CYTH1: variants seen among roughly 807,000 people sequenced by gnomAD.
CYTH1 encodes the protein cytohesin-1.
CYTH1 carries 18 observed loss-of-function variants against 61.8 expected under a neutral mutation model. That is an observed-to-expected ratio of 0.29 (90% CI 0.20 to 0.43). CYTH1 has a LOEUF of 0.43. CYTH1 is among the 20% of genes least tolerant of loss of function. The probability of loss-of-function intolerance (pLI) is 1.00; values close to 1 mark genes in which losing one functional copy is unlikely to be tolerated. For synonymous variants in CYTH1, 174 were observed against 184.3 expected, an observed-to-expected ratio of 0.94 and a Z score of 0.45; for missense variants, 336 against 510.5, an observed-to-expected ratio of 0.66 and a Z score of 3.29.
chr17:78,685,546 G>C (rs2092808142), intron 11 of CYTH1, among the ~76,000 whole-genome samples: 3 of 152,060 alleles, frequency 2.0e-5, no homozygotes, highest in Admixed American at 2.0e-4. Context: ...TTTGGTATTA[G>C]TTCCATACTT....
chr17:78,698,986 G>A lies in CYTH1; in HGVS notation c.551-18C>T. 1.2e-6 allele frequency: 2 copies of A among 1,607,340 alleles called. No homozygotes were observed. The highest frequency in any genetic ancestry group is 2.2e-5 in the East Asian group (1 of 44,450). On this transcript the variant is annotated intron_variant, in intron 7 of 13. Transcript: ENST00000446868. ...ACAAGTATCTAAAGATGAGAGAAAA[G>A]CAAAGGGGAGCCGTTGCATGCTCAG...
At chr17:78,760,519 A>ATATATATATG (rs2093423082) in intron 1 of CYTH1, among the ~76,000 whole-genome samples, 2 of 47,602 alleles carry the variant, frequency 4.2e-5, no homozygotes, top group African/African-American at 2.0e-4. Flanking sequence ...ATATATATGT[A>ATATATATATG]TATATATATA....
rs921718102 is a variant in CYTH1, at chr17:78,674,279, T to A, written c.*1812A>T. On this transcript the variant is annotated 3_prime_UTR_variant, in exon 14 of 14. Coordinates refer to ENST00000446868, the MANE Select transcript of CYTH1 (RefSeq NM_004762.6). ...TTATTTACACCTCTGATAAATAGAC[T>A]AATACTGACCCAGGTGCCTCTCTGT... is the stretch of plus-strand genomic sequence containing the variant. 3 of 152,612 alleles carry A rather than the reference T, an allele frequency of 2.0e-5. No individual in the cohort carries two copies. Among genetic ancestry groups the A allele is most frequent in the African/African-American group, 4.8e-5 (2 of 41,452 alleles). 9.5% of individuals were successfully genotyped at this position (152,612 alleles called of 1,614,324 possible). A position where few individuals can be genotyped will look rare whatever the true frequency, so the allele number is the denominator to read the frequency against.
chr17:78,737,989 C>A (rs1232177008), intron 1 of CYTH1, among the ~76,000 whole-genome samples: 2 of 151,770 alleles, frequency 1.3e-5, no homozygotes, highest in African/African-American at 4.8e-5. Context: ...ATTTATTATT[C>A]TTCTCAGTCT....
At chr17:78,706,018 G>A (rs1052145841) in intron 3 of CYTH1, among the ~76,000 whole-genome samples, 1 of 152,038 alleles carries the variant, frequency 6.6e-6, no homozygotes, top group Non-Finnish European at 1.5e-5. Flanking sequence ...ATTATCTCTG[G>A]GATAAGTGTT....
chr17:78,771,097 T>C (rs1248524464), intron 1 of CYTH1, among the ~76,000 whole-genome samples: 1 of 151,858 alleles, frequency 6.6e-6, no homozygotes, highest in Non-Finnish European at 1.5e-5. Context: ...ATCCCATCTC[T>C]ACTAAAAATA....
chr17:78,682,902 G>A (rs1469652965), intron 11 of CYTH1, among the ~76,000 whole-genome samples: 5 of 152,162 alleles, frequency 3.3e-5, no homozygotes, highest in South Asian at 4.1e-4. Context: ...CACATCCATC[G>A]TTTGGGGGAG....
At chr17:78,687,713 G>T (rs1360670551) in intron 11 of CYTH1, among the ~76,000 whole-genome samples, 11 of 152,198 alleles carry the variant, frequency 7.2e-5, no homozygotes, top group Non-Finnish European at 4.4e-5. Flanking sequence ...GGCTTTGAAA[G>T]CAGCCACTTG....
intron 1 of CYTH1, among the ~76,000 whole-genome samples, chr17:78,780,019 C>G (rs906959803): frequency 5.3e-5 from 8 of 152,240 alleles, no homozygotes; most frequent in African/African-American, 1.9e-4. Context: ...TAGCTTCCTG[C>G]CCACGGCAGC....
intron 1 of CYTH1, among the ~76,000 whole-genome samples, chr17:78,718,360 T>A (rs1443221089): frequency 6.6e-6 from 1 of 151,802 alleles, no homozygotes; most frequent in Non-Finnish European, 1.5e-5. Context: ...CTACAGAAAC[T>A]ACCACCTGCT....
At position 78,709,713 on chromosome 17, in the gene CYTH1, T is replaced by A; in HGVS notation, c.42A>T (p.Ala14=). The A allele has an allele frequency of 6.2e-7, 1 of 1,614,186 alleles. No individual in the cohort carries two copies. The highest frequency in any genetic ancestry group is 8.5e-7 in the Non-Finnish European group (1 of 1,180,028). Residue 14 remains alanine, a synonymous_variant, in exon 2 of 14, where the codon GCA becomes GCT. Transcript: ENST00000446868. The part of the protein sequence containing the change: ...DDSYVPSDLT[A]EERQELENIR... ...TGTTCTCCAGTTCTTGACGCTCCTCTGCTGTCAGGTCACTGGGAACTACAA... is the reference window on the plus strand; with the variant it reads ...TGTTCTCCAGTTCTTGACGCTCCTCAGCTGTCAGGTCACTGGGAACTACAA...
intron 11 of CYTH1, chr17:78,691,658 C>A (rs554858866): frequency 6.6e-6 from 1 of 152,166 alleles, no homozygotes; most frequent in Non-Finnish European, 1.5e-5. Flanking sequence ...TTTGCCCTTA[C>A]AATGACCAAG....
chr17:78,742,932 T>C (rs2144643715), intron 1 of CYTH1, among the ~76,000 whole-genome samples: 1 of 152,316 alleles, frequency 6.6e-6, no homozygotes, highest in East Asian at 1.9e-4. Context: ...GGATTATCAT[T>C]TAAAACACAC....
intron 1 of CYTH1, among the ~76,000 whole-genome samples, chr17:78,760,508 T>TATATGTATGTATATATATATAC (rs2093422674): frequency 2.1e-5 from 1 of 46,924 alleles, no homozygotes; most frequent in East Asian, 6.5e-4. Flanking sequence ...CATATATATG[T>TATATGTATGTATATATATATAC]ATATATATGT....
intron 1 of CYTH1, among the ~76,000 whole-genome samples, chr17:78,779,001 T>A (rs2093505231): frequency 6.6e-6 from 1 of 152,224 alleles, no homozygotes; most frequent in African/African-American, 2.4e-5. Flanking sequence ...ATTCTTCATA[T>A]GATCATCTTA....
chr17:78,772,683 G>A (rs1048561841), intron 1 of CYTH1, among the ~76,000 whole-genome samples: 10 of 149,762 alleles, frequency 6.7e-5, no homozygotes, highest in African/African-American at 1.5e-4. Context: ...GACTACAGGC[G>A]TGCACCACCA....
intron 9 of CYTH1, 54 bp downstream of exon 9, chr17:78,698,215 C>T (rs964442519): frequency 3.5e-6 from 5 of 1,442,884 alleles, no homozygotes; most frequent in South Asian, 2.3e-5. Context: ...GCACACACAC[C>T]GCCTTTCTTC....
intron 10 of CYTH1, among the ~76,000 whole-genome samples, chr17:78,693,620 C>T (rs1177787448): frequency 9.4e-6 from 1 of 105,908 alleles, no homozygotes; most frequent in Non-Finnish European, 1.9e-5. Flanking sequence ...GACTCCCTCT[C>T]AAAAAAAAAG....
intron 1 of CYTH1, among the ~76,000 whole-genome samples, chr17:78,764,265 C>T (rs1035824653): frequency 6.8e-6 from 1 of 147,848 alleles, no homozygotes; most frequent in Non-Finnish European, 1.5e-5. Context: ...GGCACTATCT[C>T]GGCTCAATGA....
Sources: gnomAD v4.1 joint callset for allele counts (sites outside exome capture counted in the v4.1 genomes callset) on GRCh38, gnomAD v4.1.1 for gene constraint, MANE v1.5 for transcripts, NCBI Gene and HGNC (gene_info 2026-07-23, HGNC 2026-07-21) for gene names.